Variants in DBNL observed in about 807,000 individuals in gnomAD.
DBNL encodes the protein drebrin-like protein.
In DBNL, 35 loss-of-function variants were observed where a neutral mutation model predicts 62.2. The ratio of observed to expected loss-of-function variants is 0.56; its 90% CI spans 0.43 to 0.75. DBNL has a LOEUF of 0.75. Among genes scored for constraint, DBNL ranks in the 30% least tolerant of loss-of-function variants. The pLI is 0.00. For missense variants in DBNL, 495 were observed against 578.4 expected (o/e 0.86, Z 1.48); for synonymous variants, 197 against 218.0 (o/e 0.90, Z 0.85).
chr7:44,062,634 G>A lies in DBNL; in HGVS notation c.*1718G>A, dbSNP rs747318989. 1.1e-6 allele frequency: 1 copy of A among 887,986 alleles called. No homozygotes were observed. The highest frequency in any genetic ancestry group is 2.6e-5 in the East Asian group (1 of 37,936). 55.0% of individuals were successfully genotyped at this position (887,986 alleles called of 1,614,324 possible). A position where few individuals can be genotyped will look rare whatever the true frequency, so the allele number is the denominator to read the frequency against. ...GCCCCTGGTGACACACGTATGGAGT[G>A]GGGGAGGGTGGGTGGCTGCACCCCT... is the stretch of plus-strand genomic sequence containing the variant. On this transcript the variant is annotated 3_prime_UTR_variant, in exon 13 of 13. Transcript: ENST00000448521.
chr7:44,062,497 A>T lies in DBNL; in HGVS notation c.*1581A>T, dbSNP rs1562659628. ...ACGCCAATTCTGGAGCATGGTTACTAAGTGGCTCTGAAGCTTCAGGGTCAC... is the reference window on the plus strand; with the variant it reads ...ACGCCAATTCTGGAGCATGGTTACTTAGTGGCTCTGAAGCTTCAGGGTCAC... On this transcript the variant is annotated 3_prime_UTR_variant, in exon 13 of 13. Transcript: ENST00000448521. The T allele has an allele frequency of 2.0e-6, 1 of 507,938 alleles. No individual in the cohort carries two copies. The highest frequency in any genetic ancestry group is 3.6e-5 in the East Asian group (1 of 27,534). 31.5% of individuals were successfully genotyped at this position (507,938 alleles called of 1,614,324 possible).
In DBNL at chr7:44,068,393, C is replaced by T. The variant is rs1311040616; in HGVS notation, c.*7477C>T. 6.6e-6 allele frequency: 1 copy of T among 152,220 alleles called. No homozygotes were observed. The highest frequency in any genetic ancestry group is 6.5e-5 in the Admixed American group (1 of 15,286). 9.4% of individuals were successfully genotyped at this position (152,220 alleles called of 1,614,324 possible). A position where few individuals can be genotyped will look rare whatever the true frequency, so the allele number is the denominator to read the frequency against. On this transcript the variant is annotated 3_prime_UTR_variant, in exon 13 of 13. Transcript: ENST00000448521. ...CATTGGCTTGCTGCCAAGCTGCGCA[C>T]AGGGCTGACCCTAGATGCACATTGC...
At position 44,053,804 on chromosome 7, in the gene DBNL, T is replaced by G. The variant is rs189459663; in HGVS notation, c.327+863T>G. On this transcript the variant is annotated intron_variant, in intron 4 of 12. Coordinates refer to ENST00000448521, the MANE Select transcript of DBNL (RefSeq NM_001014436.3). The stretch of plus-strand genomic sequence containing the variant: ...CCATTCTTCTGCCTCAGCCTCCCGA[T>G]TAGCTGGGACTGCAGGCACCCGCCA... Among the ~76,000 whole-genome samples, 341 of 151,796 alleles carry G rather than the reference T, an allele frequency of 2.2e-3. 1 individual carries two copies. The highest frequency in any genetic ancestry group is 7.8e-3 in the African/African-American group (325 of 41,404).
rs1278870374 is a variant in DBNL, at chr7:44,065,717, G to A, written c.*4801G>A. ...GGCCAGGGGAGTGTGCAGGCCAAGA[G>A]GCTGTGCTTAAAATAGCCCCACGCA... On this transcript the variant is annotated 3_prime_UTR_variant, in exon 13 of 13. Transcript: ENST00000448521. The A allele has an allele frequency of 7.8e-6, 5 of 638,678 alleles. No individual in the cohort carries two copies. Among genetic ancestry groups the A allele is most frequent in the Admixed American group, 2.4e-5 (1 of 40,940 alleles). 39.6% of individuals were successfully genotyped at this position (638,678 alleles called of 1,614,324 possible).
chr7:44,047,029 C>G (rs943643103), intron 1 of DBNL, among the ~76,000 whole-genome samples: 1 of 152,200 alleles, frequency 6.6e-6, no homozygotes, highest in African/African-American at 2.4e-5. Context: ...CCAGGTGGCT[C>G]CCCAGCCTTC....
At chr7:44,054,250 T>G (rs191085254) in intron 4 of DBNL, among the ~76,000 whole-genome samples, 61 of 152,304 alleles carry the variant, frequency 4.0e-4, no homozygotes, top group African/African-American at 1.4e-3. Context: ...TGGAACGCAG[T>G]GGCACGATCT....
rs1227101440 is a variant in DBNL at position 44,062,624 on chromosome 7, C to G, written c.*1708C>G. ...CTAGGCTCCTGCCCCTGGTGACACA[C>G]GTATGGAGTGGGGGAGGGTGGGTGG... On this transcript the variant is annotated 3_prime_UTR_variant, in exon 13 of 13. Coordinates refer to ENST00000448521, the MANE Select transcript of DBNL (RefSeq NM_001014436.3). 1.2e-6 allele frequency: 1 copy of G among 823,392 alleles called. No individual in the cohort carries two copies. The highest frequency in any genetic ancestry group is 2.1e-5 in the Admixed American group (1 of 48,464). The allele number at this position is 823,392 out of a possible 1,614,324, so 51.0% of individuals were successfully genotyped here. A position where few individuals can be genotyped will look rare whatever the true frequency, so the allele number is the denominator to read the frequency against.
chr7:44,057,660 T>A, intron 5 of DBNL, 122 bp from the exon 6 acceptor site: 1 of 1,016,542 alleles, frequency 9.8e-7, no homozygotes, highest in Non-Finnish European at 1.5e-6. Context: ...CTGCCTCTGC[T>A]GGGTCCAGTC....
At chr7:44,053,769 C>T (rs781729564) in intron 4 of DBNL, among the ~76,000 whole-genome samples, 15 of 152,024 alleles carry the variant, frequency 9.9e-5, no homozygotes, top group Non-Finnish European at 2.1e-4. Context: ...CTCCGCCTCC[C>T]GGGTTCACAC....
At position 44,062,966 on chromosome 7, in the gene DBNL, G is replaced by A. The variant is rs763322060; in HGVS notation, c.*2050G>A. 8.1e-6 allele frequency: 13 copies of A among 1,610,892 alleles called. No individual in the cohort carries two copies. The highest frequency in any genetic ancestry group is 3.3e-5 in the Admixed American group (2 of 60,026). ...AGGAATAGGTGTCCTTAGCCCCTCT[G>A]TCCCCAGCCTGTTTACACAGCAGAC... On this transcript the variant is annotated 3_prime_UTR_variant, in exon 13 of 13. Coordinates refer to ENST00000448521, the MANE Select transcript of DBNL (RefSeq NM_001014436.3).
At position 44,063,009 on chromosome 7, in the gene DBNL, G is replaced by A; in HGVS notation, c.*2093G>A. On this transcript the variant is annotated 3_prime_UTR_variant, in exon 13 of 13. Transcript: ENST00000448521. ...CAGCAGACACTATGTGACCTTTATGGTCCACAGAGCCAGTTCCCCTGGCAC... is the reference window on the plus strand; with the variant it reads ...CAGCAGACACTATGTGACCTTTATGATCCACAGAGCCAGTTCCCCTGGCAC... 1 of 1,472,656 alleles carries A rather than the reference G, an allele frequency of 6.8e-7. No individual in the cohort carries two copies. The allele number at this position is 1,472,656 out of a possible 1,614,324, so 91.2% of individuals were successfully genotyped here.
chr7:44,045,309 C>T (rs139696568), intron 1 of DBNL, among the ~76,000 whole-genome samples: 1 of 152,310 alleles, frequency 6.6e-6, no homozygotes, highest in East Asian at 1.9e-4. Context: ...GTGAGCCCTG[C>T]CCTGGGGGCT....
chr7:44,065,617 A>C lies in DBNL; in HGVS notation c.*4701A>C, dbSNP rs1586002614. 1 of 1,322,456 alleles carries C rather than the reference A, an allele frequency of 7.6e-7. No individual in the cohort carries two copies. The highest frequency in any genetic ancestry group is 1.1e-6 in the Non-Finnish European group (1 of 933,292). 81.9% of individuals were successfully genotyped at this position (1,322,456 alleles called of 1,614,324 possible). A position where few individuals can be genotyped will look rare whatever the true frequency, so the allele number is the denominator to read the frequency against. On this transcript the variant is annotated 3_prime_UTR_variant, in exon 13 of 13. Coordinates refer to ENST00000448521, the MANE Select transcript of DBNL (RefSeq NM_001014436.3). ...TTATAATAGTGTCTTCCCAGCCCCC[A>C]CCCACCCCAGCCAACTGCCAATCAG...
At chr7:44,054,154 G>A (rs1335308734) in intron 4 of DBNL, among the ~76,000 whole-genome samples, 1 of 152,124 alleles carries the variant, frequency 6.6e-6, no homozygotes. Context: ...AAACATGCAT[G>A]GCATTCTTTT....
chr7:44,057,982 C>A lies in DBNL; in HGVS notation c.552+123C>A, dbSNP rs961991441. 7.2e-6 allele frequency: 11 copies of A among 1,530,550 alleles called. No homozygotes were observed. The Admixed American group carries it at 1.6e-4, about 22-fold the overall frequency. 94.8% of individuals were successfully genotyped at this position (1,530,550 alleles called of 1,614,324 possible). On this transcript the variant is annotated intron_variant, in intron 6 of 12. Transcript: ENST00000448521. ...TTGGTGCCCATTACAGATGGTCACACTGAGGCTCGGGTAAGTTAAGCCACA... is the reference window on the plus strand; with the variant it reads ...TTGGTGCCCATTACAGATGGTCACAATGAGGCTCGGGTAAGTTAAGCCACA...
intron 4 of DBNL, 159 bp from the exon 5 acceptor site, chr7:44,056,598 A>C (rs2096136794): frequency 6.7e-6 from 7 of 1,038,508 alleles, no homozygotes; most frequent in African/African-American, 1.6e-5. Context: ...CTTGAGGGGA[A>C]CTCGTGCCTC....
At position 44,057,762 on chromosome 7, in the gene DBNL, A is replaced by G; in HGVS notation, c.475-20A>G. 1 of 1,614,002 alleles carries G rather than the reference A, an allele frequency of 6.2e-7. No homozygotes were observed. Reference sequence around the variant, plus strand: ...CCTTCCACCTGGGTCCAGGTCTCTAATGAGTGCTGTCCCCTACAGGGCTCT... The same window carrying G: ...CCTTCCACCTGGGTCCAGGTCTCTAGTGAGTGCTGTCCCCTACAGGGCTCT... On this transcript the variant is annotated intron_variant, in intron 5 of 12. Coordinates refer to ENST00000448521, the MANE Select transcript of DBNL (RefSeq NM_001014436.3).
rs1307995609 is a variant in DBNL, at chr7:44,058,439, G to C, written c.712G>C (p.Glu238Gln). 6.2e-7 allele frequency: 1 copy of C among 1,614,240 alleles called. No homozygotes were observed. Among genetic ancestry groups the C allele is most frequent in the East Asian group, 2.2e-5 (1 of 44,886 alleles). Residue 238 changes from glutamate (E) to glutamine (Q), a missense_variant, in exon 8 of 13, where the codon GAG (glutamate) becomes CAG (glutamine). Transcript: ENST00000448521. ...GGEASPQRTW[E>Q]QQQEVVSRNR... ...CCCGGCCCTTCCCAGCAGGACGTGG[G>C]AGCAGCAGCAAGAAGTGGTTTCAAG... is the stretch of plus-strand genomic sequence containing the variant.
chr7:44,062,919 G>A lies in DBNL; in HGVS notation c.*2003G>A. On this transcript the variant is annotated 3_prime_UTR_variant, in exon 13 of 13. Transcript: ENST00000448521. ...GGCAGGTTCAGCTCCATGATCGCCT[G>A]GTCTGACATCCCTATGCCGGAAGGA... 12 of 1,614,168 alleles carry A rather than the reference G, an allele frequency of 7.4e-6. No individual in the cohort carries two copies. The highest frequency in any genetic ancestry group is 1.0e-5 in the Non-Finnish European group (12 of 1,180,010).
Sources: gnomAD v4.1 joint callset for allele counts (sites outside exome capture counted in the v4.1 genomes callset) on GRCh38, gnomAD v4.1.1 for gene constraint, MANE v1.5 for transcripts, NCBI Gene and HGNC (gene_info 2026-07-23, HGNC 2026-07-21) for gene names.